The following CCDC171 variants were observed in gnomAD, a reference collection of about 807,000 sequenced individuals.
CCDC171 encodes the protein coiled-coil domain containing 171, also known as coiled-coil domain-containing protein 171.
CCDC171 carries 177 observed loss-of-function variants against 168.2 expected under a neutral mutation model. That is an observed-to-expected ratio of 1.05 (90% CI 0.93 to 1.19). The LOEUF (loss-of-function observed/expected upper bound fraction) is 1.19. Among genes scored for constraint, CCDC171 ranks in the 50% most tolerant of loss-of-function variants. CCDC171 has a pLI of 0.00. For missense variants in CCDC171, 1,991 were observed against 1,539.0 expected (o/e 1.29, Z -4.91); for synonymous variants, 687 against 540.8 (o/e 1.27, Z -3.75).
intron 23 of CCDC171, among the ~76,000 whole-genome samples, chr9:15,862,514 T>C (rs1311094749): frequency 6.6e-6 from 1 of 152,090 alleles, no homozygotes; most frequent in African/African-American, 2.4e-5. Context: ...ATAATTAATA[T>C]ATCTCCATTT....
chr9:15,962,076 C>T (rs1304538701), intron 25 of CCDC171, among the ~76,000 whole-genome samples: 1 of 152,168 alleles, frequency 6.6e-6, no homozygotes, highest in Non-Finnish European at 1.5e-5. Flanking sequence ...TCAGATTTCA[C>T]TGTCCATAAA....
intron 9 of CCDC171, among the ~76,000 whole-genome samples, chr9:15,672,865 A>G (rs1587875101): frequency 6.6e-6 from 1 of 152,274 alleles, no homozygotes; most frequent in African/African-American, 2.4e-5. Flanking sequence ...TATGAACTTT[A>G]AAGTAGTTTT....
At chr9:15,902,697 G>T (rs1039709548) in intron 24 of CCDC171, among the ~76,000 whole-genome samples, 1 of 152,216 alleles carries the variant, frequency 6.6e-6, no homozygotes, top group Admixed American at 6.5e-5. Context: ...AGGACAGTGG[G>T]TGCAGCGCAC....
intron 4 of CCDC171, among the ~76,000 whole-genome samples, chr9:15,590,784 T>TCTTTCTTC (rs1491370547): frequency 2.0e-5 from 2 of 97,726 alleles, no homozygotes; most frequent in African/African-American, 6.9e-5. Context: ...TTTCTTTCTT[T>TCTTTCTTC]CTTTCTTTCT....
intron 24 of CCDC171, among the ~76,000 whole-genome samples, chr9:15,906,673 G>A (rs1822677847): frequency 6.6e-6 from 1 of 152,118 alleles, no homozygotes; most frequent in Admixed American, 6.5e-5. Flanking sequence ...TTCTGGCCAG[G>A]GCAATCAGGC....
At chr9:15,976,594 A>T (rs1362366150), downstream of CCDC171, among the ~76,000 whole-genome samples, 7 of 151,928 alleles carry the variant, frequency 4.6e-5, no homozygotes, top group Non-Finnish European at 7.4e-5. Flanking sequence ...TACAAAAGAA[A>T]TTGAATCTTG....
intron 4 of CCDC171, among the ~76,000 whole-genome samples, chr9:15,589,303 C>G (rs569543540): frequency 6.6e-6 from 1 of 152,190 alleles, no homozygotes; most frequent in Admixed American, 6.5e-5. Context: ...GCCCAGACAT[C>G]TCTTGGGATT....
chr9:15,999,062 T>A (rs1231546400), intron 3 of CCDC171, among the ~76,000 whole-genome samples: 1 of 151,976 alleles, frequency 6.6e-6, no homozygotes, highest in South Asian at 2.1e-4. Flanking sequence ...CATTTTTTTT[T>A]AACAAGGGCA....
intron 6 of CCDC171, among the ~76,000 whole-genome samples, chr9:15,600,677 A>G (rs767146754): frequency 5.3e-5 from 8 of 152,214 alleles, no homozygotes; most frequent in African/African-American, 9.6e-5. Flanking sequence ...AGACAGGGAC[A>G]TTTAAGTCTG....
chr9:15,836,237 C>T (rs2060443197), intron 21 of CCDC171, among the ~76,000 whole-genome samples: 1 of 152,208 alleles, frequency 6.6e-6, no homozygotes, highest in Admixed American at 6.5e-5. Flanking sequence ...AGTGATTTCT[C>T]ACACATTATG....
chr9:15,966,739 A>G (rs563150590), intron 25 of CCDC171, among the ~76,000 whole-genome samples: 4 of 152,194 alleles, frequency 2.6e-5, no homozygotes, highest in Admixed American at 6.5e-5. Flanking sequence ...TGTCAGTAAG[A>G]TAGTCAAACT....
At chr9:15,579,702 T>C (rs1239579842) in intron 4 of CCDC171, among the ~76,000 whole-genome samples, 1 of 152,214 alleles carries the variant, frequency 6.6e-6, no homozygotes, top group Non-Finnish European at 1.5e-5. Flanking sequence ...TTTGCCACTT[T>C]TTTGTACTTT....
chr9:15,598,019 A>T (rs571901347), intron 6 of CCDC171, among the ~76,000 whole-genome samples: 1 of 151,838 alleles, frequency 6.6e-6, no homozygotes, highest in Admixed American at 6.6e-5. Context: ...TATTGTGTCT[A>T]TTTGATTCTT....
At chr9:16,107,661 A>G in the CCDC171 span, among the ~76,000 whole-genome samples, 1 of 152,156 alleles carries the variant, frequency 6.6e-6, no homozygotes, top group Admixed American at 6.5e-5. Context: ...TTTCTGAACT[A>G]TTTGAGAGTA....
downstream of CCDC171, among the ~76,000 whole-genome samples, chr9:15,975,684 A>G (rs776461431): frequency 3.9e-5 from 6 of 152,320 alleles, no homozygotes; most frequent in Non-Finnish European, 5.9e-5. Flanking sequence ...GAAAATAATG[A>G]CATATGCCAA....
At chr9:15,869,477 C>G (rs1214353745) in intron 23 of CCDC171, among the ~76,000 whole-genome samples, 2 of 148,696 alleles carry the variant, frequency 1.3e-5, no homozygotes, top group Non-Finnish European at 3.0e-5. Flanking sequence ...GTGTTCTTAT[C>G]TGATCATACT....
intron 23 of CCDC171, among the ~76,000 whole-genome samples, chr9:15,853,674 A>G (rs1001158349): frequency 2.6e-5 from 4 of 151,608 alleles, no homozygotes; most frequent in Admixed American, 2.6e-4. Flanking sequence ...TTTCTTCTTA[A>G]TCTTAAGGGG....
At chr9:15,632,668 C>G (rs1166384342) in intron 7 of CCDC171, among the ~76,000 whole-genome samples, 1 of 152,158 alleles carries the variant, frequency 6.6e-6, no homozygotes, top group Non-Finnish European at 1.5e-5. Context: ...TTGGAAAAAA[C>G]TACTTTAAAG....
intron 11 of CCDC171, among the ~76,000 whole-genome samples, chr9:15,711,028 T>A (rs1226860597): frequency 1.3e-5 from 2 of 152,242 alleles, no homozygotes; most frequent in African/African-American, 4.8e-5. Flanking sequence ...TTTTGTTCTG[T>A]AGATTTTCTC....
Sources: allele counts gnomAD v4.1 joint callset (sites outside exome capture counted in the v4.1 genomes callset), GRCh38; gene constraint gnomAD v4.1.1; transcripts MANE v1.5; gene names NCBI Gene and HGNC (gene_info 2026-07-23, HGNC 2026-07-21).